MRAS: variants seen among roughly 807,000 people sequenced by gnomAD.
MRAS encodes the protein muscle RAS oncogene homolog, also known as ras-related protein M-Ras.
MRAS carries 4 observed loss-of-function variants against 20.9 expected under a neutral mutation model. The observed-to-expected ratio is 0.19, with a 90% CI of 0.09 to 0.44. MRAS has a LOEUF of 0.44. Among genes scored for constraint, MRAS ranks in the 20% least tolerant of loss-of-function variants. MRAS has a pLI of 0.99. For synonymous variants in MRAS, 98 were observed against 102.9 expected (o/e 0.95, Z 0.29); for missense variants, 154 against 277.5 (o/e 0.56, Z 3.16).
chr3:138,402,061 C>T (rs573020163), intron 5 of MRAS, 109 bp from the exon 6 acceptor site: 32 of 1,059,322 alleles, frequency 3.0e-5, no homozygotes, highest in Non-Finnish European at 3.8e-5. Context: ...CCACTAACCC[C>T]GCCAGAACAG....
chr3:138,397,823 A>G (rs1339959316), intron 3 of MRAS, among the ~76,000 whole-genome samples: 2 of 152,250 alleles, frequency 1.3e-5, no homozygotes, highest in South Asian at 2.1e-4. Flanking sequence ...ATACATACAC[A>G]TAAAGCTCCC....
At chr3:138,378,059 G>A (rs918170739) in intron 2 of MRAS, among the ~76,000 whole-genome samples, 5 of 152,206 alleles carry the variant, frequency 3.3e-5, no homozygotes, top group Non-Finnish European at 7.3e-5. Context: ...ACAGCACAGT[G>A]GATCCTTGTG....
intron 2 of MRAS, among the ~76,000 whole-genome samples, chr3:138,396,992 G>A (rs532005521): frequency 1.3e-5 from 2 of 152,268 alleles, no homozygotes; most frequent in South Asian, 4.1e-4. Context: ...CTGGCCAGAG[G>A]GATTGTGTAG....
intron 1 of MRAS, among the ~76,000 whole-genome samples, chr3:138,369,165 C>G (rs958036411): frequency 6.6e-6 from 1 of 152,170 alleles, no homozygotes; most frequent in African/African-American, 2.4e-5. Context: ...TTCAGAAATG[C>G]GTGTTGAACC....
At chr3:138,365,361 C>T (rs181060136) in intron 1 of MRAS, among the ~76,000 whole-genome samples, 49 of 152,254 alleles carry the variant, frequency 3.2e-4, no homozygotes, top group African/African-American at 9.6e-4. Context: ...GGGAGGTGCC[C>T]GAATACTGAT....
intron 4 of MRAS, among the ~76,000 whole-genome samples, chr3:138,399,710 A>T (rs1005875168): frequency 1.3e-5 from 2 of 152,260 alleles, no homozygotes; most frequent in Non-Finnish European, 2.9e-5. Context: ...TGTCTCATCA[A>T]GGGAGGCCTG....
At position 138,402,583 on chromosome 3, in the gene MRAS, C is replaced by A; in HGVS notation, c.*314C>A. The A allele has an allele frequency of 3.1e-6, 1 of 318,028 alleles. No individual in the cohort carries two copies. The highest frequency in any genetic ancestry group is 5.8e-6 in the Non-Finnish European group (1 of 172,894). 19.7% of individuals were successfully genotyped at this position (318,028 alleles called of 1,614,324 possible). Reference sequence around the variant, plus strand: ...GTGGGTGTGTTGTTTATTGTAACTACATAGTGTTGGTTTGATGTGGAAGTG... The same window carrying A: ...GTGGGTGTGTTGTTTATTGTAACTAAATAGTGTTGGTTTGATGTGGAAGTG... On this transcript the variant is annotated 3_prime_UTR_variant, in exon 6 of 6. Coordinates refer to ENST00000423968, the MANE Select transcript of MRAS (RefSeq NM_001085049.3).
intron 2 of MRAS, among the ~76,000 whole-genome samples, chr3:138,377,600 C>T (rs552907569): frequency 5.3e-4 from 81 of 152,306 alleles, no homozygotes; most frequent in East Asian, 1.9e-4. Flanking sequence ...GTCTGCACCC[C>T]TCAGATGGCC....
Position 138,397,406 on chromosome 3 carries a change from C to T in MRAS, c.276C>T (p.Tyr92=), listed in dbSNP as rs920136386. ...CGGGGGATGGCTTCCTCATCGTCTA[C>T]TCCGTCACTGACAAGGCCAGCTTTG... ...MRTGDGFLIV[Y]SVTDKASFEH... The change falls in exon 3 of 6, where the codon TAC becomes TAT. Residue 92 remains tyrosine, a synonymous_variant. Coordinates refer to ENST00000423968, the MANE Select transcript of MRAS (RefSeq NM_001085049.3). 1 of 1,614,206 alleles carries T rather than the reference C, an allele frequency of 6.2e-7. No homozygotes were observed. Among genetic ancestry groups the T allele is most frequent in the Non-Finnish European group, 8.5e-7 (1 of 1,180,038 alleles).
At chr3:138,387,619 A>G (rs2055044098) in intron 2 of MRAS, among the ~76,000 whole-genome samples, 1 of 152,152 alleles carries the variant, frequency 6.6e-6, no homozygotes, top group African/African-American at 2.4e-5. Flanking sequence ...ATTATAGGCC[A>G]GCGCTCCCAG....
intron 1 of MRAS, among the ~76,000 whole-genome samples, chr3:138,354,950 T>TA (rs1553796554): frequency 1.3e-5 from 2 of 151,978 alleles, no homozygotes; most frequent in African/African-American, 4.8e-5. Context: ...CCATCTAATT[T>TA]AAAAAAATTT....
Position 138,370,578 on chromosome 3 carries a change from C to T in MRAS, c.-18-2288C>T, listed in dbSNP as rs547848727. On this transcript the variant is annotated intron_variant, in intron 1 of 5. Coordinates refer to ENST00000423968, the MANE Select transcript of MRAS (RefSeq NM_001085049.3). Reference sequence around the variant, plus strand: ...AGCTCAGTTAAGTGAAGCCTCAGCCCGTCCCGTGTTGTAGGGAGATGCTGG... The same window carrying T: ...AGCTCAGTTAAGTGAAGCCTCAGCCTGTCCCGTGTTGTAGGGAGATGCTGG... Among the ~76,000 whole-genome samples, 9 of 152,190 alleles carry T rather than the reference C, an allele frequency of 5.9e-5. No individual in the cohort carries two copies. In the East Asian group the frequency reaches 1.7e-3, roughly 29 times the overall value.
rs2055435545 is a variant in MRAS at position 138,405,278 on chromosome 3, A to G, written c.*3009A>G. ...AAAGGCCCCTCAGACATGTTACAGC[A>G]AATCTGGAGCCACAGACAGGTTCCC... is the stretch of plus-strand genomic sequence containing the variant. On this transcript the variant is annotated 3_prime_UTR_variant, in exon 6 of 6. Coordinates refer to ENST00000423968, the MANE Select transcript of MRAS (RefSeq NM_001085049.3). 1 of 152,656 alleles carries G rather than the reference A, an allele frequency of 6.6e-6. No individual in the cohort carries two copies. Among genetic ancestry groups the G allele is most frequent in the African/African-American group, 2.4e-5 (1 of 41,462 alleles). 9.5% of individuals were successfully genotyped at this position (152,656 alleles called of 1,614,324 possible).
chr3:138,356,246 G>A (rs1420465277), intron 1 of MRAS, among the ~76,000 whole-genome samples: 2 of 152,186 alleles, frequency 1.3e-5, no homozygotes, highest in African/African-American at 4.8e-5. Flanking sequence ...CAGATTAAAT[G>A]TAAAAGTATT....
intron 2 of MRAS, among the ~76,000 whole-genome samples, chr3:138,387,476 G>T (rs970031349): frequency 6.6e-6 from 1 of 152,162 alleles, no homozygotes; most frequent in African/African-American, 2.4e-5. Context: ...GGAATCAGAC[G>T]GGCATGGGTT....
At chr3:138,376,632 A>C (rs2108525644) in intron 2 of MRAS, among the ~76,000 whole-genome samples, 1 of 152,346 alleles carries the variant, frequency 6.6e-6, no homozygotes, top group South Asian at 2.1e-4. Flanking sequence ...TAACTATTAA[A>C]ATTAAAACTT....
At chr3:138,376,297 A>G (rs1303314469) in intron 2 of MRAS, among the ~76,000 whole-genome samples, 1 of 152,190 alleles carries the variant, frequency 6.6e-6, no homozygotes, top group African/African-American at 2.4e-5. Flanking sequence ...CAAACCATTG[A>G]CACTAGTATC....
rs140783592 is a variant in MRAS, at chr3:138,359,047, G to A, written c.-19+10280G>A. Among the ~76,000 whole-genome samples the A allele has an allele frequency of 5.9e-5, 9 of 152,246 alleles. No individual in the cohort carries two copies. The East Asian group carries it at 1.4e-3, about 23-fold the overall frequency. On this transcript the variant is annotated intron_variant, in intron 1 of 5. Transcript: ENST00000423968. ...ATTCATGACTTTTTATAAAAGTGCT[G>A]TATGTAGAAAGCAGAGGGGTGGGAA...
At chr3:138,352,647 T>G (rs2054250922) in intron 1 of MRAS, among the ~76,000 whole-genome samples, 1 of 152,194 alleles carries the variant, frequency 6.6e-6, no homozygotes, top group Non-Finnish European at 1.5e-5. Context: ...GAAGTGACCT[T>G]CTGAGTCTCA....
Sources: gnomAD v4.1 joint callset for allele counts (sites outside exome capture counted in the v4.1 genomes callset) on GRCh38, gnomAD v4.1.1 for gene constraint, MANE v1.5 for transcripts, NCBI Gene and HGNC (gene_info 2026-07-23, HGNC 2026-07-21) for gene names.